The following LY6S variants were observed in gnomAD, a reference collection of about 807,000 sequenced individuals.
LY6S encodes the protein lymphocyte antigen 6 family member S.
the LY6S span, chr8:143,043,092 G>A: frequency 8.8e-6 from 12 of 1,367,664 alleles, no homozygotes; most frequent in Non-Finnish European, 1.2e-5. Context: ...CAGAGGGTAG[G>A]CCTGCGGGGG....
chr8:143,059,112 T>G, the LY6S span, among the ~76,000 whole-genome samples: 1 of 152,244 alleles, frequency 6.6e-6, no homozygotes, highest in Admixed American at 6.5e-5. Flanking sequence ...GTCTCTTGCC[T>G]CGGCGCCTGG....
At chr8:143,061,614 G>A in the LY6S span, among the ~76,000 whole-genome samples, 1 of 152,204 alleles carries the variant, frequency 6.6e-6, no homozygotes, top group Non-Finnish European at 1.5e-5. Context: ...GTGCGATCTT[G>A]GCTCACTGCA....
At chr8:143,048,885 G>A in the LY6S span, among the ~76,000 whole-genome samples, 34 of 152,302 alleles carry the variant, frequency 2.2e-4, no homozygotes, top group Middle Eastern at 3.4e-3. Context: ...AAGATGCTCA[G>A]TCATGTATCT....
the LY6S span, among the ~76,000 whole-genome samples, chr8:143,070,451 TATATATATATATAATATATATATAA>T: frequency 5.5e-5 from 3 of 54,616 alleles, no homozygotes; most frequent in African/African-American, 1.4e-4. Flanking sequence ...ATATTGTATA[TATATATATATATAATATATATATAA>T]ATATATATAT....
chr8:143,043,471 C>T, the LY6S span, among the ~76,000 whole-genome samples: 2 of 152,158 alleles, frequency 1.3e-5, no homozygotes, highest in South Asian at 2.1e-4. Flanking sequence ...CCAAGGCCAT[C>T]GGAGCCCTTT....
the LY6S span, among the ~76,000 whole-genome samples, chr8:143,041,605 A>G: frequency 1.3e-5 from 2 of 152,242 alleles, no homozygotes; most frequent in Admixed American, 6.5e-5. Context: ...GATTAAAGAC[A>G]GGCATAGGAA....
chr8:143,061,505 G>A, the LY6S span, among the ~76,000 whole-genome samples: 2 of 101,564 alleles, frequency 2.0e-5, no homozygotes, highest in East Asian at 4.5e-4. Context: ...TGTTTGTTTG[G>A]TTGGTTGGTT....
the LY6S span, among the ~76,000 whole-genome samples, chr8:143,061,520 G>A: frequency 6.6e-6 from 1 of 152,098 alleles, no homozygotes; most frequent in African/African-American, 2.4e-5. Context: ...TTGGTTGGTT[G>A]GTTGGTTGGT....
At chr8:143,074,983 C>A in the LY6S span, among the ~76,000 whole-genome samples, 1 of 151,956 alleles carries the variant, frequency 6.6e-6, no homozygotes, top group Admixed American at 6.6e-5. Context: ...TACATAATTC[C>A]ATTTTTTCTC....
chr8:143,067,095 G>C, the LY6S span, among the ~76,000 whole-genome samples: 1 of 152,166 alleles, frequency 6.6e-6, no homozygotes. Flanking sequence ...GTTCATGTGA[G>C]ATGTAATTGT....
the LY6S span, among the ~76,000 whole-genome samples, chr8:143,076,046 A>C: frequency 6.6e-6 from 1 of 152,276 alleles, no homozygotes; most frequent in East Asian, 1.9e-4. Context: ...AAATGATAAC[A>C]ATCTGTACCT....
the LY6S span, among the ~76,000 whole-genome samples, chr8:143,041,152 C>G: frequency 2.0e-5 from 3 of 152,030 alleles, no homozygotes; most frequent in Admixed American, 1.3e-4. Context: ...CCAGTCTGAC[C>G]AAAATTTATT....
At chr8:143,073,187 G>A in the LY6S span, among the ~76,000 whole-genome samples, 1 of 146,448 alleles carries the variant, frequency 6.8e-6, no homozygotes, top group African/African-American at 2.6e-5. Flanking sequence ...GGAGACAGCC[G>A]TCGTCCTCGG....
At chr8:143,047,561 T>C in the LY6S span, 1 of 152,284 alleles carries the variant, frequency 6.6e-6, no homozygotes, top group Non-Finnish European at 1.5e-5. Flanking sequence ...GCATTTGCGC[T>C]GTGGTCCAGC....
chr8:143,072,417 G>A, the LY6S span, among the ~76,000 whole-genome samples: 5 of 126,366 alleles, frequency 4.0e-5, no homozygotes, highest in African/African-American at 1.7e-4. Context: ...CGTCCTCGTG[G>A]TCCCTGTTTG....
chr8:143,068,449 T>TC, the LY6S span, among the ~76,000 whole-genome samples: 515 of 152,280 alleles, frequency 3.4e-3, 3 homozygotes, highest in African/African-American at 0.012. Flanking sequence ...GTCTTTCTTT[T>TC]CCCCACAACC....
At chr8:143,074,831 C>A in the LY6S span, among the ~76,000 whole-genome samples, 1 of 152,156 alleles carries the variant, frequency 6.6e-6, no homozygotes, top group East Asian at 1.9e-4. Context: ...AGTCTCTCCC[C>A]GCAGGTAGAG....
the LY6S span, among the ~76,000 whole-genome samples, chr8:143,059,219 C>T: frequency 5.3e-5 from 8 of 152,038 alleles, no homozygotes; most frequent in East Asian, 5.8e-4. Context: ...AAGAAATTCT[C>T]AATGTTAATG....
chr8:143,043,494 G>A, the LY6S span, among the ~76,000 whole-genome samples: 2 of 152,116 alleles, frequency 1.3e-5, no homozygotes, highest in African/African-American at 4.8e-5. Flanking sequence ...CTTAGGGGAC[G>A]CTGAGGCCAC....
Sources: gnomAD v4.1 joint callset for allele counts (sites outside exome capture counted in the v4.1 genomes callset) on GRCh38, gnomAD v4.1.1 for gene constraint, MANE v1.5 for transcripts, NCBI Gene and HGNC (gene_info 2026-07-23, HGNC 2026-07-21) for gene names.